SH2D3C: variants seen among roughly 807,000 people sequenced by gnomAD.
SH2D3C encodes SH2 domain containing 3C, also known as SH2 domain-containing protein 3C.
Under a neutral mutation model 75.2 loss-of-function variants are expected in SH2D3C, and 25 were observed. That is an observed-to-expected ratio of 0.33 (90% CI 0.24 to 0.46). The LOEUF is 0.46. SH2D3C is among the 20% of genes least tolerant of loss of function. SH2D3C has a pLI of 1.00. For synonymous variants in SH2D3C, 450 were observed against 473.7 expected (o/e 0.95, Z 0.65); for missense variants, 933 against 1,165.3 (o/e 0.80, Z 2.90).
chr9:127,776,625 A>ATCCTCAGCATCCTCCACC (rs1437687469), intron 1 of SH2D3C, among the ~76,000 whole-genome samples: 2 of 152,218 alleles, frequency 1.3e-5, no homozygotes, highest in Non-Finnish European at 1.5e-5. Flanking sequence ...CATTTTCCAC[A>ATCCTCAGCATCCTCCACC]TCCTCAGCAT....
In SH2D3C at chr9:127,754,977, G is replaced by T. The variant is rs543776919; in HGVS notation, c.556-3677C>A. 3.1e-3 allele frequency: 1,630 copies of T among 523,954 alleles called. 27 individuals are homozygous for T. The African/African-American group carries it at 0.032, about 10-fold the overall frequency. The allele number at this position is 523,954 out of a possible 1,614,324, so 32.5% of individuals were successfully genotyped here. A position where few individuals can be genotyped will look rare whatever the true frequency, so the allele number is the denominator to read the frequency against. ...GCCCAGCCCAGCCCGACCCTGCCGG[G>T]CGCCGCTGAGCTGCAGCTCCCCGGC... On this transcript the variant is annotated intron_variant, in intron 3 of 11. Transcript: ENST00000314830. The surrounding 1 kb of genome is among the most constrained non-coding windows in gnomAD (Gnocchi z 4.4).
chr9:127,777,306 C>T (rs1362611442), intron 1 of SH2D3C, among the ~76,000 whole-genome samples: 3 of 152,220 alleles, frequency 2.0e-5, no homozygotes, highest in Non-Finnish European at 2.9e-5. Context: ...GGCCCCTCAC[C>T]GTGGAGCCTG....
chr9:127,754,951 G>GCCCAGCCCA lies in SH2D3C; in HGVS notation c.556-3652_556-3651insTGGGCTGGG, dbSNP rs1232879095. The stretch of plus-strand genomic sequence containing the variant: ...CCCCGCCCCCTCCCCGGGTCGGCCG[G>GCCCAGCCCA]GCCCAGCCCAGCCCGACCCTGCCGG... On this transcript the variant is annotated intron_variant, in intron 3 of 11. Coordinates refer to ENST00000314830, the MANE Select transcript of SH2D3C (RefSeq NM_170600.3). This position sits in a 1 kb window ranked among gnomAD's most constrained non-coding sequence, Gnocchi z 4.4. 31 of 524,300 alleles carry GCCCAGCCCA rather than the reference G, an allele frequency of 5.9e-5. No homozygotes were observed. The highest frequency in any genetic ancestry group is 6.3e-4 in the Middle Eastern group (1 of 1,594). 32.5% of individuals were successfully genotyped at this position (524,300 alleles called of 1,614,324 possible).
intron 2 of SH2D3C, among the ~76,000 whole-genome samples, chr9:127,763,232 C>T (rs1215910874): frequency 6.6e-6 from 1 of 152,160 alleles, no homozygotes; most frequent in South Asian, 2.1e-4. Flanking sequence ...TTGAATAGTC[C>T]CTCATTCCTT....
chr9:127,764,865 G>A (rs1487926648), intron 2 of SH2D3C, among the ~76,000 whole-genome samples: 3 of 151,860 alleles, frequency 2.0e-5, no homozygotes, highest in East Asian at 1.9e-4. Flanking sequence ...CCACCACCAC[G>A]CCGGGCTAAT....
At chr9:127,773,736 G>A (rs1484016415) in intron 2 of SH2D3C, among the ~76,000 whole-genome samples, 7 of 151,950 alleles carry the variant, frequency 4.6e-5, no homozygotes, top group Non-Finnish European at 8.8e-5. Flanking sequence ...TGGACAACAT[G>A]GTGAAATCCT....
intron 2 of SH2D3C, among the ~76,000 whole-genome samples, chr9:127,769,376 C>T (rs546171390): frequency 6.6e-6 from 1 of 152,312 alleles, no homozygotes; most frequent in African/African-American, 2.4e-5. Flanking sequence ...GGTGCGGTGG[C>T]TCACGCCTGT....
intron 2 of SH2D3C, among the ~76,000 whole-genome samples, chr9:127,763,107 C>T (rs1845569086): frequency 1.3e-5 from 2 of 152,210 alleles, no homozygotes; most frequent in Non-Finnish European, 2.9e-5. Flanking sequence ...TTGCTGTTCC[C>T]TCTGCCTGGA....
In SH2D3C at chr9:127,751,834, G is replaced by A. The variant is rs1295872870; in HGVS notation, c.556-534C>T. ...GAGGTAAGGCAGCAGGTAACTGCAGGAAAAGCTATGAACAAAACCACAGAA... is the reference window on the plus strand; with the variant it reads ...GAGGTAAGGCAGCAGGTAACTGCAGAAAAAGCTATGAACAAAACCACAGAA... On this transcript the variant is annotated intron_variant, in intron 3 of 11. Transcript: ENST00000314830. The surrounding 1 kb of genome is among the most constrained non-coding windows in gnomAD (Gnocchi z 4.1). 6.6e-6 allele frequency among the ~76,000 whole-genome samples: 1 copy of A among 152,210 alleles called. No individual in the cohort carries two copies. The highest frequency in any genetic ancestry group is 1.5e-5 in the Non-Finnish European group (1 of 68,032).
intron 5 of SH2D3C, among the ~76,000 whole-genome samples, chr9:127,747,520 C>T (rs1300828335): frequency 1.3e-5 from 2 of 151,844 alleles, no homozygotes; most frequent in Non-Finnish European, 2.9e-5. Flanking sequence ...CTTTTTTTGT[C>T]TTTTTTCTTT....
At chr9:127,771,217 C>T (rs1278607674) in intron 2 of SH2D3C, 12 of 1,547,020 alleles carry the variant, frequency 7.8e-6, no homozygotes, top group Non-Finnish European at 9.6e-6. Flanking sequence ...CACCTTCGGC[C>T]CACAGCAGTC....
intron 6 of SH2D3C, among the ~76,000 whole-genome samples, 163 bp downstream of exon 6, chr9:127,746,984 T>C (rs572106680): frequency 6.6e-6 from 1 of 152,350 alleles, no homozygotes; most frequent in African/African-American, 2.4e-5. Flanking sequence ...ATCTTATATG[T>C]TGATATCAAC....
chr9:127,745,538 A>G (rs1412193904), intron 6 of SH2D3C, among the ~76,000 whole-genome samples: 4 of 129,438 alleles, frequency 3.1e-5, no homozygotes, highest in Non-Finnish European at 6.1e-5. Context: ...ATCTAGGCTC[A>G]CTGCAACCTC....
intron 2 of SH2D3C, among the ~76,000 whole-genome samples, chr9:127,770,435 GC>G (rs1845712635): frequency 6.6e-6 from 1 of 152,172 alleles, no homozygotes; most frequent in African/African-American, 2.4e-5. Context: ...ACCATCTCAG[GC>G]CCATCTGGGC....
chr9:127,750,986 G>A (rs932726747), intron 4 of SH2D3C, among the ~76,000 whole-genome samples, 186 bp downstream of exon 4: 1 of 152,244 alleles, frequency 6.6e-6, no homozygotes, highest in African/African-American at 2.4e-5. Context: ...GCTCGGAGAG[G>A]TGAAGCAACT....
Position 127,744,964 on chromosome 9 carries a change from G to A in SH2D3C, c.1400C>T (p.Pro467Leu). ...PKTHGESDKG[P>L]HTSPSHTLGK... ...AAGGGTGTGGGAGGGGCTGGTGTGGGGGCCCTTGTCTGACTCCCCATGGGT... is the reference window on the plus strand; with the variant it reads ...AAGGGTGTGGGAGGGGCTGGTGTGGAGGCCCTTGTCTGACTCCCCATGGGT... The change falls in exon 7 of 12, where the codon CCC becomes CTC. Residue 467 changes from proline to leucine, a missense_variant. By Grantham distance (98) the Pro-to-Leu change is moderately conservative. Coordinates refer to ENST00000314830, the MANE Select transcript of SH2D3C (RefSeq NM_170600.3). The A allele has an allele frequency of 6.4e-7, 1 of 1,557,562 alleles. No homozygotes were observed. Among genetic ancestry groups the A allele is most frequent in the Non-Finnish European group, 8.7e-7 (1 of 1,150,228 alleles).
intron 3 of SH2D3C, among the ~76,000 whole-genome samples, chr9:127,759,019 G>A (rs369855780): frequency 5.3e-5 from 8 of 152,166 alleles, no homozygotes; most frequent in Non-Finnish European, 1.2e-4. Context: ...GGCCCAGGTC[G>A]CCCACTCACG....
chr9:127,744,667 T>C lies in SH2D3C; in HGVS notation c.1697A>G (p.Asp566Gly). Residue 566 changes from aspartate to glycine, a missense_variant, in exon 7 of 12, where the codon GAT becomes GGT. By Grantham distance (94) the Asp-to-Gly change is moderately conservative. Transcript: ENST00000314830. ...AAGGCCCACCTCCAGTGGCCGGTTA[T>C]CCCTGGGGATCAGTAGTGACTGGAA... ...ATFQSLLIPR[D>G]NRPLEVGLLR... The C allele has an allele frequency of 6.2e-7, 1 of 1,614,188 alleles. No homozygotes were observed. The highest frequency in any genetic ancestry group is 8.5e-7 in the Non-Finnish European group (1 of 1,180,024).
intron 3 of SH2D3C, among the ~76,000 whole-genome samples, chr9:127,752,321 A>G (rs895692401): frequency 2.0e-5 from 3 of 152,112 alleles, no homozygotes; most frequent in African/African-American, 7.2e-5. Context: ...CGAAGATGAA[A>G]AGAGACAGCA....
Sources: allele counts gnomAD v4.1 joint callset (sites outside exome capture counted in the v4.1 genomes callset), GRCh38; gene constraint gnomAD v4.1.1; non-coding constraint Gnocchi (gnomAD v3.1); transcripts MANE v1.5; gene names NCBI Gene and HGNC (gene_info 2026-07-23, HGNC 2026-07-21).